Variants in ANKRD11 observed in about 807,000 individuals in gnomAD.
ANKRD11 encodes the protein ankyrin repeat domain 11.
Under a neutral mutation model 195.7 loss-of-function variants are expected in ANKRD11, and 17 were observed. The ratio of observed to expected loss-of-function variants is 0.09; its 90% CI spans 0.06 to 0.13. The LOEUF is 0.13. ANKRD11 is among the 10% of genes least tolerant of loss of function. ANKRD11 has a pLI of 1.00. For missense variants in ANKRD11, 3,735 were observed against 3,566.1 expected (o/e 1.05, Z -1.21); for synonymous variants, 1,953 against 1,528.1 (o/e 1.28, Z -6.49).
At chr16:89,460,849 G>A (rs1477409148) in intron 1 of ANKRD11, among the ~76,000 whole-genome samples, 1 of 152,102 alleles carries the variant, frequency 6.6e-6, no homozygotes, top group African/African-American at 2.4e-5. Flanking sequence ...GGAACAAACT[G>A]ATCCAAAAGG....
intron 1 of ANKRD11, among the ~76,000 whole-genome samples, chr16:89,474,470 A>AG (rs1410478065): frequency 1.8e-4 from 27 of 152,084 alleles, no homozygotes; most frequent in Non-Finnish European, 5.9e-5. Flanking sequence ...TAAAAAAAAA[A>AG]AAAAAAATTT....
At chr16:89,319,119 A>G (rs1184922086) in intron 2 of ANKRD11, among the ~76,000 whole-genome samples, 1 of 152,242 alleles carries the variant, frequency 6.6e-6, no homozygotes, top group Non-Finnish European at 1.5e-5. Context: ...TCAGGACGGA[A>G]AAACGGGGCC....
intron 2 of ANKRD11, among the ~76,000 whole-genome samples, chr16:89,330,673 GGGC>G (rs1218049765): frequency 1.6e-4 from 6 of 36,464 alleles, no homozygotes; most frequent in African/African-American, 2.3e-4. Context: ...GGGGGGGGGG[GGGC>G]GGGGGCGGAG....
At chr16:89,393,269 C>T (rs1220947833) in intron 2 of ANKRD11, among the ~76,000 whole-genome samples, 1 of 152,016 alleles carries the variant, frequency 6.6e-6, no homozygotes, top group East Asian at 1.9e-4. Context: ...GTCCACTGTA[C>T]ACATTAAACT....
rs1266335533 is a variant in ANKRD11 at position 89,285,621 on chromosome 16, G to A, written c.921C>T (p.Ser307=). The A allele has an allele frequency of 6.2e-7, 1 of 1,614,196 alleles. No homozygotes were observed. Among genetic ancestry groups the A allele is most frequent in the Non-Finnish European group, 8.5e-7 (1 of 1,180,036 alleles). Residue 307 remains serine, a synonymous_variant, in exon 9 of 13, where the codon TCC becomes TCT. Coordinates refer to ENST00000301030, the MANE Select transcript of ANKRD11 (RefSeq NM_013275.6). This position sits in a 1 kb window ranked among gnomAD's most constrained non-coding sequence, Gnocchi z 5.6. The part of the protein sequence containing the change: ...TESSEEEDAP[S]FAPSSSVDGN... ...CGTCGACTGAACTGGAAGGTGCGAA[G>A]GATGGTGCGTCTTCCTCTTCTGAGC...
In ANKRD11 at chr16:89,415,261, C is replaced by CTT. The variant is rs34004237; in HGVS notation, c.-60+3021_-60+3022dup. On this transcript the variant is annotated intron_variant, in intron 2 of 12. Coordinates refer to ENST00000301030, the MANE Select transcript of ANKRD11 (RefSeq NM_013275.6). ...GAGCCACTGCACCTGGCCAGCTATT[C>CTT]TTTTTTTTTTTTTTTTTTTTTGAGA... 8.3e-4 allele frequency among the ~76,000 whole-genome samples: 70 copies of CTT among 84,518 alleles called. 2 individuals carry two copies. Among genetic ancestry groups the CTT allele is most frequent in the South Asian group, 2.1e-3 (5 of 2,404 alleles). The allele number at this position is 84,518 out of a possible 152,430, so 55.4% of individuals were successfully genotyped here.
chr16:89,487,632 G>A (rs2057664243), intron 1 of ANKRD11, among the ~76,000 whole-genome samples: 1 of 152,096 alleles, frequency 6.6e-6, no homozygotes, highest in South Asian at 2.1e-4. Context: ...AAATTAGCCA[G>A]GCGTGGCGGT....
At chr16:89,430,809 CA>C (rs1466674917) in intron 1 of ANKRD11, among the ~76,000 whole-genome samples, 1 of 152,160 alleles carries the variant, frequency 6.6e-6, no homozygotes, top group African/African-American at 2.4e-5. Flanking sequence ...TTTCTTAAGA[CA>C]AAAGGGAGTT....
At chr16:89,313,259 G>A (rs543564689) in intron 3 of ANKRD11, 3 of 1,262,018 alleles carry the variant, frequency 2.4e-6, no homozygotes, top group African/African-American at 3.0e-5. Context: ...GCCATGGGGT[G>A]GGGACGACAG....
rs368291225 is a variant in ANKRD11, at chr16:89,416,689, G to A, written c.-60+1595C>T. ...TCACACCTGTAATCCCAGCACTTTG[G>A]GAGGCTGAGGCAGGAGGATTGCTTG... On this transcript the variant is annotated intron_variant, in intron 2 of 12. Transcript: ENST00000301030. 1.5e-4 allele frequency among the ~76,000 whole-genome samples: 23 copies of A among 151,850 alleles called. No individual in the cohort carries two copies. The East Asian group carries it at 1.6e-3, about 10-fold the overall frequency.
intron 1 of ANKRD11, among the ~76,000 whole-genome samples, chr16:89,472,088 G>C (rs577129142): frequency 1.3e-5 from 2 of 152,268 alleles, no homozygotes; most frequent in East Asian, 3.9e-4. Context: ...AAGAGCATCA[G>C]GATCAGGGCA....
intron 7 of ANKRD11, chr16:89,286,619 G>A (rs1325344559): frequency 4.2e-6 from 5 of 1,183,112 alleles, no homozygotes; most frequent in Middle Eastern, 3.9e-4. Context: ...AGAGTGTTAT[G>A]GAAAGGGTTG....
intron 7 of ANKRD11, chr16:89,286,763 C>G: frequency 3.1e-6 from 4 of 1,287,158 alleles, no homozygotes; most frequent in Non-Finnish European, 4.0e-6. Flanking sequence ...CTGACAGAGA[C>G]AACCATGGTG....
chr16:89,353,264 C>T (rs1053826468), intron 2 of ANKRD11, among the ~76,000 whole-genome samples: 1 of 151,662 alleles, frequency 6.6e-6, no homozygotes, highest in Non-Finnish European at 1.5e-5. Flanking sequence ...ATTGCTTCAA[C>T]TCAGGAGGCG....
chr16:89,407,478 G>A (rs570009486), intron 2 of ANKRD11, among the ~76,000 whole-genome samples: 9 of 152,112 alleles, frequency 5.9e-5, no homozygotes, highest in African/African-American at 1.9e-4. Flanking sequence ...AAGGAACCAC[G>A]TTCGCCTCGT....
chr16:89,486,685 A>G (rs1378294488), intron 1 of ANKRD11, among the ~76,000 whole-genome samples: 2 of 152,172 alleles, frequency 1.3e-5, no homozygotes, highest in African/African-American at 4.8e-5. Flanking sequence ...GTTAGGCCAC[A>G]GTCACCATTT....
Position 89,291,264 on chromosome 16 carries a change from C to CG in ANKRD11, c.227-82dup. The CG allele has an allele frequency of 1.3e-6, 2 of 1,547,286 alleles. No individual in the cohort carries two copies. The highest frequency in any genetic ancestry group is 1.8e-6 in the Non-Finnish European group (2 of 1,135,686). On this transcript the variant is annotated intron_variant, in intron 4 of 12. Coordinates refer to ENST00000301030, the MANE Select transcript of ANKRD11 (RefSeq NM_013275.6). The surrounding 1 kb of genome is among the most constrained non-coding windows in gnomAD (Gnocchi z 5.3). Reference sequence around the variant, plus strand: ...AAAGCTAGGTCCTTACCTAATGTTACGGAGCCCCCTGCGTCCACCTGACAG... The same window carrying CG: ...AAAGCTAGGTCCTTACCTAATGTTACGGGAGCCCCCTGCGTCCACCTGACAG...
intron 1 of ANKRD11, among the ~76,000 whole-genome samples, chr16:89,475,654 T>A (rs1298044841): frequency 6.6e-6 from 1 of 152,162 alleles, no homozygotes; most frequent in Non-Finnish European, 1.5e-5. Context: ...CTACAGCAAG[T>A]CAACAACAAA....
chr16:89,279,738 G>T lies in ANKRD11; in HGVS notation c.6804C>A (p.Leu2268=). ...TCGGGGCGGGGCCGTCAGGGGCACA[G>T]AGGGACGCGGCGGGGGGGCCTTCAG... is the stretch of plus-strand genomic sequence containing the variant. ...AEAEGPPAAS[L]CAPDGPAPNT... is the part of the protein sequence containing the mutation. Residue 2268 remains leucine (L), a synonymous_variant, in exon 9 of 13, where the codon CTC becomes CTA. Coordinates refer to ENST00000301030, the MANE Select transcript of ANKRD11 (RefSeq NM_013275.6). This position sits in a 1 kb window ranked among gnomAD's most constrained non-coding sequence, Gnocchi z 5.6. 2 of 1,531,962 alleles carry T rather than the reference G, an allele frequency of 1.3e-6. No individual in the cohort carries two copies. The highest frequency in any genetic ancestry group is 1.7e-6 in the Non-Finnish European group (2 of 1,143,702). 94.9% of individuals were successfully genotyped at this position (1,531,962 alleles called of 1,614,324 possible). A position where few individuals can be genotyped will look rare whatever the true frequency, so the allele number is the denominator to read the frequency against.
Sources: gnomAD v4.1 joint callset for allele counts (sites outside exome capture counted in the v4.1 genomes callset) on GRCh38, gnomAD v4.1.1 for gene constraint, Gnocchi (gnomAD v3.1) non-coding constraint, MANE v1.5 for transcripts, NCBI Gene and HGNC (gene_info 2026-07-23, HGNC 2026-07-21) for gene names.